The following CNIH3 variants were observed in gnomAD, a reference collection of about 807,000 sequenced individuals.
The protein encoded by CNIH3 is cornichon family AMPA receptor auxiliary protein 3, also known as protein cornichon homolog 3.
CNIH3 carries 14 observed loss-of-function variants against 24.1 expected under a neutral mutation model. The observed-to-expected ratio is 0.58, with a 90% CI of 0.38 to 0.91. CNIH3 has a LOEUF of 0.91. Among genes scored for constraint, CNIH3 ranks in the 40% least tolerant of loss-of-function variants. CNIH3 has a pLI of 0.00. For missense variants in CNIH3, 178 were observed against 196.8 expected (o/e 0.90, Z 0.57); for synonymous variants, 68 against 73.8 (o/e 0.92, Z 0.40).
intron 1 of CNIH3, among the ~76,000 whole-genome samples, chr1:224,497,028 A>G (rs1411565006): frequency 1.3e-5 from 2 of 152,260 alleles, no homozygotes; most frequent in African/African-American, 2.4e-5. Context: ...CATACAATGG[A>G]ATATTATGCA....
intron 2 of CNIH3, among the ~76,000 whole-genome samples, chr1:224,532,103 C>A (rs1047265063): frequency 5.3e-5 from 8 of 151,988 alleles, no homozygotes; most frequent in Admixed American, 2.6e-4. Flanking sequence ...TGCAGAAAGA[C>A]AAAATAGAGG....
intron 3 of CNIH3, among the ~76,000 whole-genome samples, chr1:224,710,458 C>A (rs1688078586): frequency 6.6e-6 from 1 of 152,214 alleles, no homozygotes; most frequent in Admixed American, 6.5e-5. Flanking sequence ...TTGGAATGAT[C>A]TAAGCAAACC....
intron 1 of CNIH3, among the ~76,000 whole-genome samples, chr1:224,493,299 G>A (rs755254774): frequency 2.6e-5 from 4 of 152,118 alleles, no homozygotes; most frequent in Admixed American, 6.6e-5. Flanking sequence ...CATAAAGGAA[G>A]TTTGCAAGTC....
intron 3 of CNIH3, among the ~76,000 whole-genome samples, chr1:224,698,510 A>G (rs888591497): frequency 6.6e-6 from 1 of 152,212 alleles, no homozygotes; most frequent in African/African-American, 2.4e-5. Context: ...GGGTGTACTG[A>G]TAAATGACAA....
intron 1 of CNIH3, among the ~76,000 whole-genome samples, chr1:224,635,217 A>T (rs1037455635): frequency 2.0e-5 from 3 of 151,970 alleles, no homozygotes; most frequent in Non-Finnish European, 4.4e-5. Context: ...ATCTTGTGAG[A>T]TCTCACTCAC....
At chr1:224,522,329 T>C (rs116706814) in intron 2 of CNIH3, among the ~76,000 whole-genome samples, 375 of 152,292 alleles carry the variant, frequency 2.5e-3, no homozygotes, top group African/African-American at 8.6e-3. Flanking sequence ...ATGATGAAAC[T>C]CATTCCAGCA....
At chr1:224,533,970 G>T (rs712075) in intron 2 of CNIH3, among the ~76,000 whole-genome samples, 40,117 of 152,030 alleles carry the variant, frequency 0.26, 6,501 homozygotes, top group African/African-American at 0.45. Context: ...TTTGAGACTA[G>T]CCTGGGCAAC....
chr1:224,737,344 T>C (rs892678384), intron 5 of CNIH3, among the ~76,000 whole-genome samples: 6 of 152,190 alleles, frequency 3.9e-5, no homozygotes, highest in Non-Finnish European at 8.8e-5. Context: ...ATTACTTCAG[T>C]TTGGCCCTGC....
At chr1:224,584,234 C>T (rs1385725231) in intron 5 of CNIH3, among the ~76,000 whole-genome samples, 1 of 152,092 alleles carries the variant, frequency 6.6e-6, no homozygotes, top group Non-Finnish European at 1.5e-5. Flanking sequence ...ATACACAGAA[C>T]AAAGGCATTA....
chr1:224,709,733 A>G (rs1244673920), intron 3 of CNIH3, among the ~76,000 whole-genome samples: 1 of 152,118 alleles, frequency 6.6e-6, no homozygotes, highest in African/African-American at 2.4e-5. Context: ...GGAAATTCCT[A>G]TTTTATGGGT....
At chr1:224,553,501 T>C (rs1680011244) in intron 3 of CNIH3, among the ~76,000 whole-genome samples, 1 of 152,046 alleles carries the variant, frequency 6.6e-6, no homozygotes, top group African/African-American at 2.4e-5. Context: ...ATATTGTGAG[T>C]TCAGCTCAAG....
chr1:224,543,240 G>A (rs965302083), intron 2 of CNIH3, among the ~76,000 whole-genome samples: 9 of 152,176 alleles, frequency 5.9e-5, no homozygotes, highest in Admixed American at 2.0e-4. Flanking sequence ...AGGGTGACAC[G>A]TCCTGATTCT....
intron 3 of CNIH3, among the ~76,000 whole-genome samples, chr1:224,600,488 G>A (rs1323911757): frequency 3.9e-5 from 6 of 152,020 alleles, no homozygotes; most frequent in East Asian, 1.9e-4. Context: ...CATCGTGCCC[G>A]GCCATCTGTG....
At chr1:224,577,068 A>G (rs553863709) in intron 4 of CNIH3, among the ~76,000 whole-genome samples, 2 of 152,210 alleles carry the variant, frequency 1.3e-5, no homozygotes, top group East Asian at 1.9e-4. Flanking sequence ...TCAACTTAAG[A>G]TGGATAAAGA....
chr1:224,574,766 C>A, intron 4 of CNIH3: 1 of 1,111,726 alleles, frequency 9.0e-7, no homozygotes, highest in Non-Finnish European at 1.4e-6. Flanking sequence ...ACCTTATTCG[C>A]TGGCCAACCA....
intron 3 of CNIH3, among the ~76,000 whole-genome samples, chr1:224,695,406 T>A (rs1453314279): frequency 6.6e-6 from 1 of 151,864 alleles, no homozygotes; most frequent in Non-Finnish European, 1.5e-5. Context: ...CCCTGTTGGT[T>A]CTGTTTTACT....
intron 1 of CNIH3, among the ~76,000 whole-genome samples, chr1:224,667,270 GAACTTCTTAAATAA>G (rs1397231856): frequency 6.6e-6 from 1 of 152,180 alleles, no homozygotes; most frequent in African/African-American, 2.4e-5. Flanking sequence ...GGGCAAGGAA[GAACTTCTTAAATAA>G]AACTTCAGAA....
chr1:224,701,716 C>G (rs1469422668), intron 3 of CNIH3, among the ~76,000 whole-genome samples: 1 of 152,124 alleles, frequency 6.6e-6, no homozygotes, highest in African/African-American at 2.4e-5. Context: ...GTTGGATGAT[C>G]TCACTCGCGA....
At chr1:224,557,450 G>A (rs1422123965) in intron 3 of CNIH3, among the ~76,000 whole-genome samples, 1 of 152,014 alleles carries the variant, frequency 6.6e-6, no homozygotes, top group Non-Finnish European at 1.5e-5. Flanking sequence ...TGGAACTGAG[G>A]GGTTCAAGAG....
Sources: gnomAD v4.1 joint callset for allele counts (sites outside exome capture counted in the v4.1 genomes callset) on GRCh38, gnomAD v4.1.1 for gene constraint, MANE v1.5 for transcripts, NCBI Gene and HGNC (gene_info 2026-07-23, HGNC 2026-07-21) for gene names.